Variants in DYNC2H1 observed in about 807,000 individuals in gnomAD.
The protein encoded by DYNC2H1 is cytoplasmic dynein 2 heavy chain 1.
DYNC2H1 carries 410 observed loss-of-function variants against 570.0 expected under a neutral mutation model. That is an observed-to-expected ratio of 0.72 (90% CI 0.66 to 0.78). The LOEUF is 0.78. DYNC2H1 is among the 30% of genes least tolerant of loss of function. The pLI, the probability that DYNC2H1 is intolerant of heterozygous loss-of-function variation, is 0.00. For synonymous variants in DYNC2H1, 1,688 were observed against 1,677.6 expected, an observed-to-expected ratio of 1.01 and a Z score of -0.15; for missense variants, 4,865 against 5,046.4, an observed-to-expected ratio of 0.96 and a Z score of 1.09.
chr11:103,396,118 A>G (rs1484813344), intron 83 of DYNC2H1, among the ~76,000 whole-genome samples: 1 of 152,206 alleles, frequency 6.6e-6, no homozygotes, highest in Non-Finnish European at 1.5e-5. Flanking sequence ...TTTGTTGATT[A>G]CTGTTTTATA....
Position 103,181,741 on chromosome 11 carries a change from G to A in DYNC2H1, c.6348-16G>A, listed in dbSNP as rs1224113705. 4 of 1,538,362 alleles carry A rather than the reference G, an allele frequency of 2.6e-6. No homozygotes were observed. In the African/African-American group the frequency reaches 5.5e-5, roughly 21 times the overall value. ...TTTCTTCCTAAGTAATTTTTTATTT[G>A]TCTAAACTGTTTCAGTGATGAAGAG... is the stretch of plus-strand genomic sequence containing the variant. On this transcript the variant is annotated splice_polypyrimidine_tract_variant and intron_variant, in intron 39 of 88. Coordinates refer to ENST00000375735, the MANE Select transcript of DYNC2H1 (RefSeq NM_001377.3). This position sits in a 1 kb window ranked among gnomAD's most constrained non-coding sequence, Gnocchi z 5.0.
chr11:103,120,303 A>G (rs1858634698), intron 6 of DYNC2H1, 144 bp from the exon 7 acceptor site: 1 of 692,716 alleles, frequency 1.4e-6, no homozygotes, highest in Non-Finnish European at 2.3e-6. Flanking sequence ...AATTCTCTGG[A>G]CTAGAGTTTC....
chr11:103,171,270 T>C lies in DYNC2H1; in HGVS notation c.5334+202T>C, dbSNP rs12286383. Among the ~76,000 whole-genome samples, 502 of 152,044 alleles carry C rather than the reference T, an allele frequency of 3.3e-3. 3 individuals carry two copies. Among genetic ancestry groups the C allele is most frequent in the African/African-American group, 0.011 (466 of 41,394 alleles). On this transcript the variant is annotated intron_variant, in intron 34 of 88. Transcript: ENST00000375735. Reference sequence around the variant, plus strand: ...TCCTACTTTCATTATTCTTTTTTTTTGGGGGACAGAGTTTTGCTCTTGTTG... The same window carrying C: ...TCCTACTTTCATTATTCTTTTTTTTCGGGGGACAGAGTTTTGCTCTTGTTG...
rs536475030 is a variant in DYNC2H1 at position 103,251,700 on chromosome 11, C to A, written c.10043-1585C>A. 2.2e-4 allele frequency among the ~76,000 whole-genome samples: 33 copies of A among 152,218 alleles called. 1 individual carries two copies. In the South Asian group the frequency reaches 6.6e-3, roughly 31 times the overall value. ...TACATCTCCCATCCCCTCCTTCATT[C>A]CCCTGCTACCTGCCCCTGGTAAATA... On this transcript the variant is annotated intron_variant, in intron 65 of 88. Coordinates refer to ENST00000375735, the MANE Select transcript of DYNC2H1 (RefSeq NM_001377.3).
chr11:103,467,370 G>A lies in DYNC2H1; in HGVS notation c.12649-1219G>A, dbSNP rs140013017. Among the ~76,000 whole-genome samples the A allele has an allele frequency of 4.5e-3, 688 of 152,178 alleles. 5 individuals carry two copies. Among genetic ancestry groups the A allele is most frequent in the African/African-American group, 0.015 (642 of 41,518 alleles). Reference sequence around the variant, plus strand: ...AGTAATGAAATCATTCAAAACAATTGGTTAAGGGATTCTCTCCTAGCACCT... The same window carrying A: ...AGTAATGAAATCATTCAAAACAATTAGTTAAGGGATTCTCTCCTAGCACCT... On this transcript the variant is annotated intron_variant, in intron 87 of 88. Transcript: ENST00000375735.
chr11:103,378,938 A>G (rs894636618), intron 83 of DYNC2H1, among the ~76,000 whole-genome samples: 3 of 152,142 alleles, frequency 2.0e-5, no homozygotes, highest in Non-Finnish European at 2.9e-5. Flanking sequence ...TTCCACGATA[A>G]TATGTTTAAG....
At chr11:103,269,499 A>C (rs1865620705) in intron 70 of DYNC2H1, among the ~76,000 whole-genome samples, 1 of 152,192 alleles carries the variant, frequency 6.6e-6, no homozygotes, top group Non-Finnish European at 1.5e-5. Context: ...TAGACTCTTG[A>C]AATAGAGAGA....
intron 88 of DYNC2H1, among the ~76,000 whole-genome samples, chr11:103,475,191 TTAGAG>T (rs1289850688): frequency 1.3e-5 from 2 of 152,210 alleles, no homozygotes; most frequent in African/African-American, 2.4e-5. Flanking sequence ...ATCAACCATT[TTAGAG>T]TAATCAATCA....
At chr11:103,223,159 A>G in intron 59 of DYNC2H1, 73 bp downstream of exon 59, 1 of 1,344,954 alleles carries the variant, frequency 7.4e-7, no homozygotes, top group African/African-American at 1.5e-5. Context: ...AATAATTATT[A>G]TTTTTATTTT....
intron 83 of DYNC2H1, among the ~76,000 whole-genome samples, chr11:103,373,991 A>G (rs1941287349): frequency 6.6e-6 from 1 of 152,188 alleles, no homozygotes; most frequent in African/African-American, 2.4e-5. Context: ...TCTATTTTAT[A>G]TAATATGTTT....
chr11:103,142,298 C>T (rs574591690), intron 17 of DYNC2H1, among the ~76,000 whole-genome samples: 147 of 152,278 alleles, frequency 9.7e-4, no homozygotes, highest in Non-Finnish European at 1.5e-3. Flanking sequence ...CTGTCTTCTG[C>T]GTCGCCCACG....
intron 52 of DYNC2H1, among the ~76,000 whole-genome samples, chr11:103,207,096 A>G (rs886288219): frequency 6.6e-6 from 1 of 151,384 alleles, no homozygotes; most frequent in African/African-American, 2.4e-5. Context: ...TAATTTTTGT[A>G]TTTTTAGTAG....
chr11:103,451,478 G>T lies in DYNC2H1; in HGVS notation c.12457-3708G>T, dbSNP rs896659825. On this transcript the variant is annotated intron_variant, in intron 85 of 88. Coordinates refer to ENST00000375735, the MANE Select transcript of DYNC2H1 (RefSeq NM_001377.3). ...CTCCCAAGTAGCTGGGGCTACAGGCGCGTGCCACCACGCCTGGCTAATTTT... is the reference window on the plus strand; with the variant it reads ...CTCCCAAGTAGCTGGGGCTACAGGCTCGTGCCACCACGCCTGGCTAATTTT... 2.6e-5 allele frequency among the ~76,000 whole-genome samples: 4 copies of T among 151,706 alleles called. No homozygotes were observed. In the East Asian group the frequency reaches 7.7e-4, roughly 29 times the overall value.
Position 103,219,927 on chromosome 11 carries a change from CA to C in DYNC2H1, c.8851del (p.Thr2951GlnfsTer6). ...ITVSMQDASE[Q>X]KTELERLKHR... ...AATATTCTTATAGGATGCTAGTGAG[CA>C]AAAAACAGAACTTGAAAGACTGAAG... On this transcript the variant is annotated frameshift_variant, in exon 56 of 89. Coordinates refer to ENST00000375735, the MANE Select transcript of DYNC2H1 (RefSeq NM_001377.3). LOFTEE classifies it high-confidence loss of function. The C allele has an allele frequency of 6.6e-7, 1 of 1,513,480 alleles. No homozygotes were observed. Among genetic ancestry groups the C allele is most frequent in the African/African-American group, 1.5e-5 (1 of 68,784 alleles). 93.8% of individuals were successfully genotyped at this position (1,513,480 alleles called of 1,614,324 possible).
At chr11:103,149,863 G>T (rs1454015851) in intron 20 of DYNC2H1, among the ~76,000 whole-genome samples, 1 of 151,996 alleles carries the variant, frequency 6.6e-6, no homozygotes, top group Non-Finnish European at 1.5e-5. Flanking sequence ...TCAACTAGGG[G>T]TTATTACTTA....
At chr11:103,422,072 A>G (rs561509457) in intron 84 of DYNC2H1, among the ~76,000 whole-genome samples, 1 of 152,332 alleles carries the variant, frequency 6.6e-6, no homozygotes, top group South Asian at 2.1e-4. Flanking sequence ...ACGTCTATAC[A>G]CATAAACCAG....
chr11:103,144,198 T>C (rs908862056), intron 18 of DYNC2H1, among the ~76,000 whole-genome samples: 3 of 152,236 alleles, frequency 2.0e-5, no homozygotes, highest in African/African-American at 7.2e-5. Context: ...TGTTACCAGC[T>C]GTATGACTGA....
At position 103,184,881 on chromosome 11, in the gene DYNC2H1, G is replaced by T. The variant is rs762763299; in HGVS notation, c.6478-15G>T. The T allele has an allele frequency of 2.5e-6, 4 of 1,609,152 alleles. No individual in the cohort carries two copies. The highest frequency in any genetic ancestry group is 3.4e-6 in the Non-Finnish European group (4 of 1,176,766). ...TTGCCTTTTGTCTGTTTGTATCACG[G>T]ATTTTAATCAACAGAATGACTATGT... On this transcript the variant is annotated splice_polypyrimidine_tract_variant and intron_variant, in intron 40 of 88. Transcript: ENST00000375735.
rs373924400 is a variant in DYNC2H1 at position 103,234,158 on chromosome 11, C to T, written c.9565C>T (p.Gln3189Ter). The stretch of plus-strand genomic sequence containing the variant: ...CAGAGAACATAAGAGATGGAATGCA[C>T]AGGTTTGTTTGAGAGAGGGGCCATG... Reference protein sequence around the residue: ...LDREHKRWNAQVVEITEELAT... With the variant: ...LDREHKRWNA Residue 3189 changes from glutamine to a stop codon, truncating the protein, a stop_gained and splice_region_variant, in exon 61 of 89, where the codon CAG (glutamine) becomes TAG (stop). Transcript: ENST00000375735. LOFTEE classifies it high-confidence loss of function. The T allele has an allele frequency of 6.9e-6, 11 of 1,584,140 alleles. No individual in the cohort carries two copies. The Admixed American group carries it at 8.9e-5, about 13-fold the overall frequency.
Sources: gnomAD v4.1 joint callset for allele counts (sites outside exome capture counted in the v4.1 genomes callset) on GRCh38, gnomAD v4.1.1 for gene constraint, Gnocchi (gnomAD v3.1) non-coding constraint, MANE v1.5 for transcripts, NCBI Gene and HGNC (gene_info 2026-07-23, HGNC 2026-07-21) for gene names.